HRH2: variants seen among roughly 807,000 people sequenced by gnomAD.
HRH2 encodes histamine receptor H2.
In HRH2, 4 loss-of-function variants were observed where a neutral mutation model predicts 20.1. That is an observed-to-expected ratio of 0.20 (90% CI 0.10 to 0.45). The LOEUF (loss-of-function observed/expected upper bound fraction) is 0.45. Among genes scored for constraint, HRH2 ranks in the 20% least tolerant of loss-of-function variants. The pLI is 0.99. For synonymous variants in HRH2, 197 were observed against 200.7 expected (o/e 0.98, Z 0.16); for missense variants, 250 against 461.6 (o/e 0.54, Z 4.20).
intron 2 of HRH2, among the ~76,000 whole-genome samples, chr5:175,707,034 C>T (rs79519841): frequency 6.6e-6 from 1 of 152,180 alleles, no homozygotes. Context: ...CACTAAGATT[C>T]GGAAATGGCA....
intron 1 of HRH2, among the ~76,000 whole-genome samples, chr5:175,679,544 C>T (rs1467157177): frequency 1.3e-5 from 2 of 152,114 alleles, no homozygotes; most frequent in African/African-American, 2.4e-5. Context: ...AATTAAATGC[C>T]GCAGAGCCAG....
chr5:175,660,736 C>A (rs887656891), intron 1 of HRH2, among the ~76,000 whole-genome samples: 1 of 152,112 alleles, frequency 6.6e-6, no homozygotes, highest in East Asian at 1.9e-4. Context: ...TCTGAGTGTG[C>A]CCTGTCTCAG....
At chr5:175,688,556 G>A (rs945126278) in intron 2 of HRH2, among the ~76,000 whole-genome samples, 5 of 152,246 alleles carry the variant, frequency 3.3e-5, no homozygotes, top group African/African-American at 9.6e-5. Context: ...TTGTCACGGC[G>A]TGGCCCCCGC....
chr5:175,691,238 G>A (rs1756368203), intron 2 of HRH2: 1 of 152,382 alleles, frequency 6.6e-6, no homozygotes, highest in Non-Finnish European at 1.5e-5. Context: ...TTTGGGGAGT[G>A]AGAGCCCCTC....
At position 175,677,916 on chromosome 5, in the gene HRH2, G is replaced by A. The variant is rs1043354249; in HGVS notation, c.-525-4793G>A. ...CCTCCACCTGCCGGAGGCGTCTCAG[G>A]GTTCTTGGGCTACAACCCACCATCT... On this transcript the variant is annotated intron_variant, in intron 1 of 2. Transcript: ENST00000636584. The surrounding 1 kb of genome is among the most constrained non-coding windows in gnomAD (Gnocchi z 4.2). Among the ~76,000 whole-genome samples the A allele has an allele frequency of 6.6e-6, 1 of 152,134 alleles. No homozygotes were observed. The highest frequency in any genetic ancestry group is 1.5e-5 in the Non-Finnish European group (1 of 68,024).
At chr5:175,661,210 C>T (rs1402298230) in intron 1 of HRH2, among the ~76,000 whole-genome samples, 1 of 152,030 alleles carries the variant, frequency 6.6e-6, no homozygotes. Context: ...CTTCTAGGAC[C>T]CCACAGTTTA....
chr5:175,673,696 G>GT lies in HRH2; in HGVS notation c.-525-9001dup, dbSNP rs557373402. 8.1e-3 allele frequency among the ~76,000 whole-genome samples: 1,139 copies of GT among 141,180 alleles called. 9 individuals carry two copies. Among genetic ancestry groups the GT allele is most frequent in the South Asian group, 0.014 (59 of 4,348 alleles). The allele number at this position is 141,180 out of a possible 152,430, so 92.6% of individuals were successfully genotyped here. A position where few individuals can be genotyped will look rare whatever the true frequency, so the allele number is the denominator to read the frequency against. On this transcript the variant is annotated intron_variant, in intron 1 of 2. Transcript: ENST00000636584. ...TGTATGTTATGTGAATTTCACCTCA[G>GT]TTTTTTTTTTTTGTTTTTTTTTTTT...
intron 1 of HRH2, among the ~76,000 whole-genome samples, chr5:175,659,187 CT>C (rs947895476): frequency 9.2e-5 from 14 of 152,272 alleles, no homozygotes; most frequent in Admixed American, 4.6e-4. Flanking sequence ...TGTCCTGAGG[CT>C]GATGCTCCTG....
intron 2 of HRH2, among the ~76,000 whole-genome samples, chr5:175,688,164 G>A (rs1756238004): frequency 6.6e-6 from 1 of 152,194 alleles, no homozygotes; most frequent in Non-Finnish European, 1.5e-5. Flanking sequence ...GCAATTGCAC[G>A]GAGGCCCGCC....
rs564604689 is a variant in HRH2, at chr5:175,677,280, C to T, written c.-525-5429C>T. On this transcript the variant is annotated intron_variant, in intron 1 of 2. Coordinates refer to ENST00000636584, the MANE Select transcript of HRH2 (RefSeq NM_001367711.1). The surrounding 1 kb of genome is among the most constrained non-coding windows in gnomAD (Gnocchi z 4.2). The stretch of plus-strand genomic sequence containing the variant: ...CTGGGACTGCAGGTGTGAATCACTG[C>T]GCCCTGTTACTTTTTCTTTATGCAG... Among the ~76,000 whole-genome samples, 8 of 152,336 alleles carry T rather than the reference C, an allele frequency of 5.3e-5. No individual in the cohort carries two copies. In the South Asian group the frequency reaches 1.7e-3, roughly 32 times the overall value.
At chr5:175,658,636 CT>C (rs1240766548) in intron 1 of HRH2, among the ~76,000 whole-genome samples, 2 of 152,112 alleles carry the variant, frequency 1.3e-5, no homozygotes, top group Admixed American at 1.3e-4. Flanking sequence ...AGAGCGGGGG[CT>C]GCTGGGGAGG....
chr5:175,672,254 T>G (rs1175638399), intron 1 of HRH2, among the ~76,000 whole-genome samples: 2 of 152,138 alleles, frequency 1.3e-5, no homozygotes, highest in Non-Finnish European at 2.9e-5. Context: ...CTCCTGCCCC[T>G]GAGCAGTTTT....
In HRH2 at chr5:175,707,863, A is replaced by T. The variant is rs1756993499; in HGVS notation, c.1161A>T (p.Arg387Ser). 2.5e-6 allele frequency: 1 copy of T among 399,146 alleles called. No individual in the cohort carries two copies. Among genetic ancestry groups the T allele is most frequent in the African/African-American group, 2.1e-5 (1 of 48,628 alleles). 24.7% of individuals were successfully genotyped at this position (399,146 alleles called of 1,614,324 possible). The change falls in exon 3 of 3, where the codon AGA (arginine) becomes AGT (serine). Residue 387 changes from arginine to serine, a missense_variant. Arg to Ser is a moderately radical substitution (Grantham distance 110, BLOSUM62 -1). This residue lies in a region of HRH2 where 55 missense variants were observed against 66.9 expected (regional missense o/e 0.82). Transcript: ENST00000636584. Reference protein sequence around the residue: ...KSLWGLRFLQRHMGGPSEELS... With the variant: ...KSLWGLRFLQSHMGGPSEELS... ...TGTGGGGGCTCAGGTTCCTTCAGAG[A>T]CACATGGGAGGCCCCTCGGAGGAGC...
At chr5:175,690,763 G>A (rs908804005) in intron 2 of HRH2, among the ~76,000 whole-genome samples, 2 of 152,002 alleles carry the variant, frequency 1.3e-5, no homozygotes, top group Non-Finnish European at 2.9e-5. Context: ...CACTCCCTGC[G>A]TTCTATTCCC....
At position 175,709,018 on chromosome 5, in the gene HRH2, C is replaced by T. The variant is rs1757023207; in HGVS notation, c.*1047C>T. On this transcript the variant is annotated 3_prime_UTR_variant, in exon 3 of 3. Transcript: ENST00000636584. ...CTAAGCAGCTTTTGATTCCCCTGTC[C>T]AAGAGGGTAGGCCCCCTGTTCCTAT... The T allele has an allele frequency of 6.6e-6, 1 of 152,092 alleles. No homozygotes were observed. The allele number at this position is 152,092 out of a possible 1,614,324, so 9.4% of individuals were successfully genotyped here.
At chr5:175,672,089 A>T (rs113172760) in intron 1 of HRH2, among the ~76,000 whole-genome samples, 57 of 152,298 alleles carry the variant, frequency 3.7e-4, no homozygotes, top group Non-Finnish European at 6.5e-4. Flanking sequence ...AGTTGCTGGA[A>T]GAGACCTTTG....
intron 1 of HRH2, among the ~76,000 whole-genome samples, chr5:175,675,742 T>C (rs980890300): frequency 3.9e-5 from 6 of 152,234 alleles, no homozygotes; most frequent in African/African-American, 1.4e-4. Context: ...TTCCTTTGTG[T>C]GTTGTTCCCT....
chr5:175,705,785 C>A (rs1056430802), intron 2 of HRH2, among the ~76,000 whole-genome samples: 1 of 152,076 alleles, frequency 6.6e-6, no homozygotes, highest in Non-Finnish European at 1.5e-5. Flanking sequence ...GCTTCAGCCT[C>A]CCAAGTAGCT....
At chr5:175,690,885 T>TAACA (rs1454498513) in intron 2 of HRH2, among the ~76,000 whole-genome samples, 8 of 152,258 alleles carry the variant, frequency 5.3e-5, no homozygotes, top group African/African-American at 1.9e-4. Context: ...TCACTTAGCA[T>TAACA]AACATTGCCA....
Sources: gnomAD v4.1 joint callset for allele counts (sites outside exome capture counted in the v4.1 genomes callset) on GRCh38, gnomAD v4.1.1 for gene constraint, gnomAD v4.1.1 regional missense constraint, Gnocchi (gnomAD v3.1) non-coding constraint, MANE v1.5 for transcripts, NCBI Gene and HGNC (gene_info 2026-07-23, HGNC 2026-07-21) for gene names.